Variants in DPYD observed in about 807,000 individuals in gnomAD.
DPYD encodes the protein dihydropyrimidine dehydrogenase.
Under a neutral mutation model 116.2 loss-of-function variants are expected in DPYD, and 109 were observed. That is an observed-to-expected ratio of 0.94 (90% CI 0.80 to 1.10). The LOEUF (loss-of-function observed/expected upper bound fraction) is 1.10, where lower values mean the gene tolerates loss of function less well. Among genes scored for constraint, DPYD ranks in the 50% least tolerant of loss-of-function variants. The probability of loss-of-function intolerance (pLI) is 0.00; values close to 1 mark genes in which losing one functional copy is unlikely to be tolerated. For synonymous variants in DPYD, 440 were observed against 432.0 expected (o/e 1.02, Z -0.23); for missense variants, 1,302 against 1,254.5 (o/e 1.04, Z -0.57).
chr1:97,487,338 A>G (rs1678695283), intron 13 of DPYD, among the ~76,000 whole-genome samples: 1 of 152,182 alleles, frequency 6.6e-6, no homozygotes, highest in Non-Finnish European at 1.5e-5. Context: ...AAGCATGTGA[A>G]AAGACGTTCA....
intron 2 of DPYD, chr1:97,856,311 C>T (rs1670842166): frequency 6.6e-6 from 1 of 151,910 alleles, no homozygotes; most frequent in Non-Finnish European, 1.5e-5. Context: ...CTGTGTTTAC[C>T]CCATAAAGAT....
At chr1:97,897,726 C>T (rs1673151265) in intron 1 of DPYD, among the ~76,000 whole-genome samples, 3 of 151,862 alleles carry the variant, frequency 2.0e-5, no homozygotes, top group Admixed American at 2.0e-4. Context: ...CTATTTTGCA[C>T]ACCTCTACTT....
At chr1:97,846,688 T>C (rs931519929) in intron 2 of DPYD, among the ~76,000 whole-genome samples, 2 of 152,232 alleles carry the variant, frequency 1.3e-5, no homozygotes, top group African/African-American at 4.8e-5. Flanking sequence ...TTTGTTTATT[T>C]TGTTCAACAA....
At position 97,587,392 on chromosome 1, in the gene DPYD, G is replaced by A. The variant is rs140833033; in HGVS notation, c.1128+5826C>T. On this transcript the variant is annotated intron_variant, in intron 10 of 22. Coordinates refer to ENST00000370192, the MANE Select transcript of DPYD (RefSeq NM_000110.4). ...CTCAAATGACGTGCAGGTGCCAAAC[G>A]TTGAAGAACTGCTGTAAGCATCACT... 6.2e-3 allele frequency among the ~76,000 whole-genome samples: 938 copies of A among 152,238 alleles called. 6 individuals are homozygous for A. The highest frequency in any genetic ancestry group is 9.2e-3 in the Non-Finnish European group (624 of 68,008).
At chr1:97,190,592 G>T (rs1658281918) in intron 20 of DPYD, among the ~76,000 whole-genome samples, 1 of 152,146 alleles carries the variant, frequency 6.6e-6, no homozygotes, top group Non-Finnish European at 1.5e-5. Context: ...AGATTTTAAT[G>T]GCTTGCACAG....
chr1:97,787,809 T>C (rs984045249), intron 3 of DPYD, among the ~76,000 whole-genome samples: 26 of 152,174 alleles, frequency 1.7e-4, no homozygotes, highest in African/African-American at 6.0e-4. Flanking sequence ...TATAAGCATA[T>C]ATAAACATTG....
At chr1:97,720,193 C>T (rs1662846591) in intron 5 of DPYD, 4 of 985,308 alleles carry the variant, frequency 4.1e-6, no homozygotes, top group Non-Finnish European at 4.8e-6. Context: ...CACACAAACA[C>T]ACACACCTCT....
intron 13 of DPYD, among the ~76,000 whole-genome samples, chr1:97,490,265 A>T (rs894909702): frequency 4.0e-5 from 6 of 150,798 alleles, no homozygotes; most frequent in Non-Finnish European, 7.4e-5. Flanking sequence ...TATCAAGAAC[A>T]ACCATTCTGT....
intron 3 of DPYD, among the ~76,000 whole-genome samples, chr1:97,759,863 T>C (rs1263651241): frequency 6.6e-6 from 1 of 152,158 alleles, no homozygotes; most frequent in Non-Finnish European, 1.5e-5. Context: ...ATCCATAACT[T>C]ACACAATAAC....
At chr1:97,112,698 A>T (rs1396027658) in intron 20 of DPYD, among the ~76,000 whole-genome samples, 1 of 152,146 alleles carries the variant, frequency 6.6e-6, no homozygotes, top group East Asian at 1.9e-4. Flanking sequence ...CATATTCATG[A>T]CACTGTGGAG....
chr1:97,285,304 G>C (rs1043577117), intron 18 of DPYD, among the ~76,000 whole-genome samples: 1 of 152,266 alleles, frequency 6.6e-6, no homozygotes, highest in Admixed American at 6.5e-5. Context: ...GAGAAATGAA[G>C]AGGCTTCCTT....
chr1:97,755,609 C>T (rs193290837), intron 3 of DPYD, among the ~76,000 whole-genome samples: 1 of 152,276 alleles, frequency 6.6e-6, no homozygotes, highest in Admixed American at 6.5e-5. Flanking sequence ...TTCAACTGAT[C>T]TCTCTTCTTT....
At chr1:97,439,646 C>T (rs893829432) in intron 14 of DPYD, among the ~76,000 whole-genome samples, 32 of 151,830 alleles carry the variant, frequency 2.1e-4, no homozygotes, top group East Asian at 3.9e-4. Context: ...CAATTTTTTT[C>T]GTCTCCGCAA....
At chr1:97,347,217 A>C (rs1477991173) in intron 16 of DPYD, among the ~76,000 whole-genome samples, 8 of 151,906 alleles carry the variant, frequency 5.3e-5, no homozygotes, top group African/African-American at 1.2e-4. Flanking sequence ...AGACATGCTT[A>C]CCACATTTCA....
intron 15 of DPYD, among the ~76,000 whole-genome samples, chr1:97,373,948 T>C (rs1297047551): frequency 6.6e-6 from 1 of 152,228 alleles, no homozygotes; most frequent in Non-Finnish European, 1.5e-5. Context: ...CTACCAAGTT[T>C]ACAGGCATGT....
At chr1:97,415,301 C>A (rs1178190124) in intron 14 of DPYD, among the ~76,000 whole-genome samples, 1 of 152,152 alleles carries the variant, frequency 6.6e-6, no homozygotes, top group Non-Finnish European at 1.5e-5. Context: ...TTTTCACAAT[C>A]TCCAGCCTCA....
chr1:97,410,612 C>G (rs1257008995), intron 14 of DPYD, among the ~76,000 whole-genome samples: 6 of 152,056 alleles, frequency 3.9e-5, no homozygotes, highest in Admixed American at 1.3e-4. Context: ...GGGTAAAAAG[C>G]ATCATCTTTA....
chr1:97,351,853 T>C (rs1340632447), intron 16 of DPYD, among the ~76,000 whole-genome samples: 1 of 152,052 alleles, frequency 6.6e-6, no homozygotes, highest in Non-Finnish European at 1.5e-5. Context: ...AACAAGGAAC[T>C]CAATACCGTA....
chr1:97,150,138 C>T lies in DPYD; in HGVS notation c.2622+42931G>A, dbSNP rs114299327. On this transcript the variant is annotated intron_variant, in intron 20 of 22. Transcript: ENST00000370192. The stretch of plus-strand genomic sequence containing the variant: ...CTGTTCCCTGGCTCCTCATCCTTCA[C>T]ATATCATTCCAAATATCTCTTTCTC... Among the ~76,000 whole-genome samples the T allele has an allele frequency of 7.3e-3, 1,107 of 152,258 alleles. 17 individuals are homozygous for T. The highest frequency in any genetic ancestry group is 0.025 in the African/African-American group (1,036 of 41,546).
Sources: gnomAD v4.1 joint callset for allele counts (sites outside exome capture counted in the v4.1 genomes callset) on GRCh38, gnomAD v4.1.1 for gene constraint, MANE v1.5 for transcripts, NCBI Gene and HGNC (gene_info 2026-07-23, HGNC 2026-07-21) for gene names.